Variants in TMEM132D observed in about 807,000 individuals in gnomAD.
The protein encoded by TMEM132D is transmembrane protein 132D.
A neutral mutation model predicts 62.3 loss-of-function variants in TMEM132D; 21 were observed. The observed-to-expected ratio is 0.34, with a 90% confidence interval of 0.24 to 0.49. The LOEUF is 0.49. Among genes scored for constraint, TMEM132D ranks in the 20% least tolerant of loss-of-function variants. TMEM132D has a pLI of 0.99. For missense variants in TMEM132D, 1,346 were observed against 1,402.8 expected, an observed-to-expected ratio of 0.96 and a Z score of 0.65; for synonymous variants, 621 against 575.6, an observed-to-expected ratio of 1.08 and a Z score of -1.13.
At chr12:129,537,008 T>C (rs539965158) in intron 2 of TMEM132D, among the ~76,000 whole-genome samples, 1 of 151,690 alleles carries the variant, frequency 6.6e-6, no homozygotes, top group Non-Finnish European at 1.5e-5. Flanking sequence ...AATACAAAAT[T>C]AGCCAGATGT....
At chr12:129,218,148 C>T (rs1879259647) in intron 4 of TMEM132D, among the ~76,000 whole-genome samples, 2 of 152,176 alleles carry the variant, frequency 1.3e-5, no homozygotes, top group African/African-American at 4.8e-5. Context: ...TGTCCTGGTT[C>T]CTACCTTTTC....
chr12:129,862,711 G>A (rs943685609), intron 1 of TMEM132D, among the ~76,000 whole-genome samples: 1 of 152,186 alleles, frequency 6.6e-6, no homozygotes, highest in African/African-American at 2.4e-5. Context: ...ACAAGTATAA[G>A]TAGAGAATGA....
intron 1 of TMEM132D, among the ~76,000 whole-genome samples, chr12:129,766,808 C>T (rs1222917002): frequency 6.6e-6 from 1 of 152,120 alleles, no homozygotes; most frequent in African/African-American, 2.4e-5. Context: ...AGGAGGCAGG[C>T]AGGACTCCAG....
At chr12:129,099,340 T>C (rs1875218174) in intron 5 of TMEM132D, among the ~76,000 whole-genome samples, 1 of 152,146 alleles carries the variant, frequency 6.6e-6, no homozygotes, top group Non-Finnish European at 1.5e-5. Flanking sequence ...AACCTGCCAT[T>C]TTTGAGTTGA....
chr12:129,550,584 C>A (rs1288663064), intron 2 of TMEM132D, among the ~76,000 whole-genome samples: 1 of 152,188 alleles, frequency 6.6e-6, no homozygotes, highest in South Asian at 2.1e-4. Flanking sequence ...CTTAAGCAAC[C>A]ATTTCACAGC....
At chr12:129,556,116 C>T (rs1356217574) in intron 2 of TMEM132D, among the ~76,000 whole-genome samples, 2 of 152,198 alleles carry the variant, frequency 1.3e-5, no homozygotes, top group African/African-American at 4.8e-5. Context: ...TCCACACTCC[C>T]TTTGCCTTCA....
At chr12:129,188,757 G>T (rs1878292227) in intron 5 of TMEM132D, among the ~76,000 whole-genome samples, 1 of 57,970 alleles carries the variant, frequency 1.7e-5, no homozygotes, top group African/African-American at 5.3e-5. Flanking sequence ...GGGGGAGGGA[G>T]AGAGGGAGAG....
chr12:129,564,779 A>AT (rs1468839160), intron 2 of TMEM132D, among the ~76,000 whole-genome samples: 2 of 152,226 alleles, frequency 1.3e-5, no homozygotes, highest in Non-Finnish European at 2.9e-5. Context: ...TGTTTTTCAC[A>AT]TTTGTCACTG....
chr12:129,850,432 G>C (rs1873503552), intron 1 of TMEM132D, among the ~76,000 whole-genome samples: 1 of 152,172 alleles, frequency 6.6e-6, no homozygotes, highest in African/African-American at 2.4e-5. Flanking sequence ...GCCACGCAAA[G>C]ATGAAACATG....
intron 2 of TMEM132D, among the ~76,000 whole-genome samples, chr12:129,614,068 GGACTGTCTCCAGGACCCAGGT>G (rs1169330936): frequency 7.3e-6 from 1 of 136,334 alleles, no homozygotes; most frequent in African/African-American, 2.5e-5. Flanking sequence ...AGAACCCAAG[GGACTGTCTCCAGGACCCAGGT>G]GACTGTCTCC....
chr12:129,145,161 T>C (rs952453222), intron 5 of TMEM132D, among the ~76,000 whole-genome samples: 4 of 152,164 alleles, frequency 2.6e-5, no homozygotes, highest in Admixed American at 2.6e-4. Context: ...AAAGTAAGAC[T>C]TCCTTTTACC....
chr12:129,711,432 T>C (rs1043176927), intron 1 of TMEM132D, among the ~76,000 whole-genome samples: 1 of 152,230 alleles, frequency 6.6e-6, no homozygotes, highest in African/African-American at 2.4e-5. Flanking sequence ...TGTTTAAACA[T>C]GGGATTATAT....
chr12:129,122,558 T>C (rs1876098063), intron 5 of TMEM132D, among the ~76,000 whole-genome samples: 1 of 152,148 alleles, frequency 6.6e-6, no homozygotes, highest in African/African-American at 2.4e-5. Flanking sequence ...ATCTATTGAA[T>C]GATCAAGTCA....
chr12:129,159,795 A>G (rs1010649585), intron 5 of TMEM132D, among the ~76,000 whole-genome samples: 3 of 150,506 alleles, frequency 2.0e-5, no homozygotes, highest in African/African-American at 4.9e-5. Flanking sequence ...AATTGATAAG[A>G]CAAGAGTAGT....
intron 3 of TMEM132D, among the ~76,000 whole-genome samples, chr12:129,492,142 G>A (rs1032160422): frequency 1.3e-5 from 2 of 152,254 alleles, no homozygotes; most frequent in East Asian, 3.9e-4. Context: ...TAGTTTTAGT[G>A]TCTTCTCTTT....
chr12:129,146,146 T>C (rs922024169), intron 5 of TMEM132D, among the ~76,000 whole-genome samples: 1 of 152,124 alleles, frequency 6.6e-6, no homozygotes, highest in Non-Finnish European at 1.5e-5. Flanking sequence ...GTCTATCATG[T>C]TATTATTAAC....
At chr12:129,214,107 G>T (rs1488867326) in intron 4 of TMEM132D, among the ~76,000 whole-genome samples, 1 of 152,152 alleles carries the variant, frequency 6.6e-6, no homozygotes, top group Non-Finnish European at 1.5e-5. Flanking sequence ...TATTTCAAAG[G>T]AAGCTCCCGA....
intron 3 of TMEM132D, among the ~76,000 whole-genome samples, chr12:129,429,585 T>TC (rs1331505491): frequency 3.3e-5 from 5 of 150,322 alleles, no homozygotes; most frequent in East Asian, 2.0e-4. Flanking sequence ...ATTCTTTCTT[T>TC]TTTTTTTTTT....
At chr12:129,306,860 C>T (rs936450748) in intron 4 of TMEM132D, among the ~76,000 whole-genome samples, 30 of 152,228 alleles carry the variant, frequency 2.0e-4, no homozygotes, top group African/African-American at 7.2e-4. Flanking sequence ...GGTTAGGGCA[C>T]TAAAGACAGT....
Sources: gnomAD v4.1 joint callset for allele counts (sites outside exome capture counted in the v4.1 genomes callset) on GRCh38, gnomAD v4.1.1 for gene constraint, MANE v1.5 for transcripts, NCBI Gene and HGNC (gene_info 2026-07-23, HGNC 2026-07-21) for gene names.